The following CFAP44 variants were observed in gnomAD, a reference collection of about 807,000 sequenced individuals.
CFAP44 encodes cilia- and flagella-associated protein 44.
CFAP44 carries 134 observed loss-of-function variants against 216.2 expected under a neutral mutation model. That is an observed-to-expected ratio of 0.62 (90% confidence interval 0.54 to 0.72). The LOEUF (loss-of-function observed/expected upper bound fraction) is 0.72, where lower values mean the gene tolerates loss of function less well. Ranked by LOEUF, CFAP44 falls within the 30% of genes least tolerant of loss-of-function variation. The pLI, the probability that CFAP44 is intolerant of heterozygous loss-of-function variation, is 0.00. For synonymous variants in CFAP44, 700 were observed against 727.6 expected (o/e 0.96, Z 0.61); for missense variants, 2,035 against 2,182.1 (o/e 0.93, Z 1.34).
In CFAP44 at chr3:113,372,913, T is replaced by A. The variant is rs200795132; in HGVS notation, c.2444+498A>T. Among the ~76,000 whole-genome samples the A allele has an allele frequency of 5.4e-4, 82 of 152,218 alleles. No individual in the cohort carries two copies. The East Asian group carries it at 6.4e-3, about 12-fold the overall frequency. ...GCCTCCAGAACTGTGAGAAAAAAAA[T>A]TCTGCTGTATAAGCCACCTAGTCTG... is the stretch of plus-strand genomic sequence containing the variant. On this transcript the variant is annotated intron_variant, in intron 18 of 34. Coordinates refer to ENST00000393845, the MANE Select transcript of CFAP44 (RefSeq NM_001164496.2).
intron 34 of CFAP44, chr3:113,294,195 T>A: frequency 2.7e-6 from 1 of 376,720 alleles, no homozygotes; most frequent in South Asian, 2.1e-5. Context: ...ATTAGGTATA[T>A]CCACCACATA....
chr3:113,291,386 A>G lies in CFAP44; in HGVS notation c.*171T>C. On this transcript the variant is annotated 3_prime_UTR_variant, in exon 35 of 35. Transcript: ENST00000393845. ...AGGTTGGGTGCTGCAGTCAGTTCTA[A>G]GATAACCAAATTGTAGAGAGATTCT... is the stretch of plus-strand genomic sequence containing the variant. The G allele has an allele frequency of 1.3e-6, 1 of 763,190 alleles. No individual in the cohort carries two copies. Among genetic ancestry groups the G allele is most frequent in the South Asian group, 2.0e-5 (1 of 51,238 alleles). 47.3% of individuals were successfully genotyped at this position (763,190 alleles called of 1,614,324 possible). A position where few individuals can be genotyped will look rare whatever the true frequency, so the allele number is the denominator to read the frequency against.
rs187288883 is a variant in CFAP44 at position 113,393,869 on chromosome 3, C to A, written c.1890+1881G>T. 2.5e-3 allele frequency among the ~76,000 whole-genome samples: 380 copies of A among 152,252 alleles called. 1 individual carries two copies. The highest frequency in any genetic ancestry group is 4.7e-3 in the Admixed American group (72 of 15,288). ...ACCACATGATCTCTATACAGGCTAA[C>A]TCCTTTTCACCTTCTGACATGACTA... On this transcript the variant is annotated intron_variant, in intron 15 of 34. Coordinates refer to ENST00000393845, the MANE Select transcript of CFAP44 (RefSeq NM_001164496.2).
intron 22 of CFAP44, among the ~76,000 whole-genome samples, chr3:113,356,898 A>AAC (rs1180939792): frequency 4.0e-5 from 6 of 151,290 alleles, no homozygotes; most frequent in African/African-American, 7.3e-5. Flanking sequence ...TATATGTGTA[A>AAC]ACACACACAC....
chr3:113,428,109 T>C (rs1935011787), intron 2 of CFAP44, among the ~76,000 whole-genome samples: 1 of 152,206 alleles, frequency 6.6e-6, no homozygotes, highest in Admixed American at 6.5e-5. Flanking sequence ...GGCAAGAAAG[T>C]AATCCTGGGT....
chr3:113,428,325 T>C (rs1282316214), intron 2 of CFAP44, among the ~76,000 whole-genome samples: 1 of 152,188 alleles, frequency 6.6e-6, no homozygotes, highest in African/African-American at 2.4e-5. Context: ...GATTAATGAA[T>C]TGCGAGTGAA....
intron 30 of CFAP44, 31 bp from the exon 31 acceptor site, chr3:113,305,183 A>G: frequency 6.6e-7 from 1 of 1,510,524 alleles, no homozygotes; most frequent in Non-Finnish European, 8.9e-7. Context: ...TGAAATGGTG[A>G]CAAGACTCAA....
chr3:113,403,062 C>T (rs1045168341), intron 9 of CFAP44, among the ~76,000 whole-genome samples: 6 of 151,474 alleles, frequency 4.0e-5, no homozygotes, highest in African/African-American at 1.2e-4. Context: ...TAAGCTCAAT[C>T]GGTGGCAACA....
At chr3:113,300,078 G>C (rs1283111306) in intron 32 of CFAP44, among the ~76,000 whole-genome samples, 1 of 152,174 alleles carries the variant, frequency 6.6e-6, no homozygotes, top group Non-Finnish European at 1.5e-5. Context: ...TGGATCTGAA[G>C]TCATTACATT....
chr3:113,314,713 T>C (rs748525915), intron 28 of CFAP44, among the ~76,000 whole-genome samples: 131 of 152,220 alleles, frequency 8.6e-4, no homozygotes, highest in South Asian at 1.9e-3. Flanking sequence ...TCTAGATGTA[T>C]GGAGAGGAAA....
chr3:113,432,921 A>G (rs1935142603), intron 2 of CFAP44, among the ~76,000 whole-genome samples: 1 of 152,162 alleles, frequency 6.6e-6, no homozygotes, highest in Admixed American at 6.5e-5. Context: ...ATTATTTAAC[A>G]TTTTTAACTT....
chr3:113,309,359 C>G (rs1950016411), intron 28 of CFAP44, among the ~76,000 whole-genome samples: 1 of 152,206 alleles, frequency 6.6e-6, no homozygotes, highest in African/African-American at 2.4e-5. Flanking sequence ...GACGCCCACT[C>G]TGTTCCTTGG....
chr3:113,368,365 A>G (rs1933033732), intron 18 of CFAP44, among the ~76,000 whole-genome samples: 1 of 152,228 alleles, frequency 6.6e-6, no homozygotes, highest in Non-Finnish European at 1.5e-5. Context: ...CCACAAAGGG[A>G]AGACCGTCAG....
At chr3:113,330,123 C>A in intron 26 of CFAP44, 45 bp downstream of exon 26, 1 of 1,451,196 alleles carries the variant, frequency 6.9e-7, no homozygotes. Context: ...TTTTTCCCTT[C>A]TCTTCTCTCT....
At chr3:113,337,889 C>A (rs1338360649) in intron 24 of CFAP44, among the ~76,000 whole-genome samples, 2 of 151,944 alleles carry the variant, frequency 1.3e-5, no homozygotes, top group Non-Finnish European at 2.9e-5. Flanking sequence ...AGACTTGACA[C>A]CAAAATCAAG....
intron 24 of CFAP44, among the ~76,000 whole-genome samples, chr3:113,340,949 G>A (rs972505948): frequency 1.3e-5 from 2 of 152,192 alleles, no homozygotes; most frequent in South Asian, 2.1e-4. Flanking sequence ...TGGGCCACTC[G>A]GCAGCCCCAG....
chr3:113,305,585 C>T (rs1949977869), intron 30 of CFAP44, among the ~76,000 whole-genome samples: 1 of 152,130 alleles, frequency 6.6e-6, no homozygotes, highest in Non-Finnish European at 1.5e-5. Context: ...TTCTCCATGT[C>T]CTAGAAAACC....
At chr3:113,395,681 C>T in intron 15 of CFAP44, 69 bp downstream of exon 15, 1 of 1,371,600 alleles carries the variant, frequency 7.3e-7, no homozygotes, top group Non-Finnish European at 1.0e-6. Flanking sequence ...CTGCTATTTT[C>T]TATCTACAAG....
At chr3:113,338,078 C>T (rs1433087418) in intron 24 of CFAP44, among the ~76,000 whole-genome samples, 1 of 151,336 alleles carries the variant, frequency 6.6e-6, no homozygotes, top group African/African-American at 2.4e-5. Flanking sequence ...GCCTGGCCAA[C>T]ATGATGAAAC....
Sources: allele counts gnomAD v4.1 joint callset (sites outside exome capture counted in the v4.1 genomes callset), GRCh38; gene constraint gnomAD v4.1.1; transcripts MANE v1.5; gene names NCBI Gene and HGNC (gene_info 2026-07-23, HGNC 2026-07-21).